The following ELAPOR1 variants were observed in gnomAD, a reference collection of about 807,000 sequenced individuals.
ELAPOR1 encodes endosome-lysosome associated apoptosis and autophagy regulator 1, also known as endosome/lysosome-associated apoptosis and autophagy regulator 1.
ELAPOR1 carries 77 observed loss-of-function variants against 119.7 expected under a neutral mutation model. The ratio of observed to expected loss-of-function variants is 0.64; its 90% confidence interval spans 0.54 to 0.78. ELAPOR1 has a LOEUF of 0.78. Ranked by LOEUF, ELAPOR1 falls within the 30% of genes least tolerant of loss-of-function variation. The probability of loss-of-function intolerance (pLI) is 0.00; values close to 1 mark genes in which losing one functional copy is unlikely to be tolerated. For synonymous variants in ELAPOR1, 481 were observed against 487.2 expected (o/e 0.99, Z 0.17); for missense variants, 1,115 against 1,270.4 (o/e 0.88, Z 1.86).
At chr1:109,165,595 A>C (rs58167786) in intron 3 of ELAPOR1, among the ~76,000 whole-genome samples, 3,449 of 151,858 alleles carry the variant, frequency 0.023, 110 homozygotes, top group African/African-American at 0.078. Flanking sequence ...AAAAAAAAAA[A>C]AAAAAGAAAA....
At chr1:109,121,971 A>G (rs1156801159) in intron 1 of ELAPOR1, among the ~76,000 whole-genome samples, 1 of 151,458 alleles carries the variant, frequency 6.6e-6, no homozygotes, top group Non-Finnish European at 1.5e-5. Context: ...ACAGGGTTAC[A>G]TCATATTGGC....
chr1:109,147,764 T>A (rs1650268718), intron 1 of ELAPOR1, among the ~76,000 whole-genome samples: 1 of 151,592 alleles, frequency 6.6e-6, no homozygotes. Flanking sequence ...ATAAAACTGC[T>A]CTAAAAAAAA....
intron 8 of ELAPOR1, 107 bp from the exon 9 acceptor site, chr1:109,188,070 C>T (rs1351141583): frequency 2.0e-6 from 3 of 1,475,454 alleles, no homozygotes; most frequent in East Asian, 2.4e-5. Context: ...GAGCTCTTAC[C>T]TGGCCCAGAA....
At chr1:109,185,840 G>A (rs1653009342) in intron 8 of ELAPOR1, among the ~76,000 whole-genome samples, 2 of 152,136 alleles carry the variant, frequency 1.3e-5, no homozygotes, top group Non-Finnish European at 2.9e-5. Flanking sequence ...CTTGGGGTGG[G>A]GGCAGCAGAG....
chr1:109,114,219 C>A lies in ELAPOR1; in HGVS notation c.36C>A (p.Ala12=). The part of the protein sequence containing the change: ...AEPGHSHHLS[A]RVRGRTERRI... ...CTGGGCACAGCCACCATCTCTCCGC[C>A]AGAGTCAGGGGAAGAACTGAGAGGC... The change falls in exon 1 of 22, where the codon GCC becomes GCA. Residue 12 remains alanine (A), a synonymous_variant. Transcript: ENST00000369939. 6.2e-7 allele frequency: 1 copy of A among 1,604,976 alleles called. No individual in the cohort carries two copies. Among genetic ancestry groups the A allele is most frequent in the Non-Finnish European group, 8.5e-7 (1 of 1,175,630 alleles).
At chr1:109,120,163 C>T (rs112391674) in intron 1 of ELAPOR1, among the ~76,000 whole-genome samples, 3,468 of 152,074 alleles carry the variant, frequency 0.023, 125 homozygotes, top group African/African-American at 0.074. Context: ...TTTGGGAGGC[C>T]GAGGCAGGCT....
chr1:109,124,820 C>G (rs1013002521), intron 1 of ELAPOR1, among the ~76,000 whole-genome samples: 13 of 152,164 alleles, frequency 8.5e-5, no homozygotes, highest in African/African-American at 2.9e-4. Context: ...TCAAAAGGAC[C>G]CTACTGGAGC....
At position 109,153,104 on chromosome 1, in the gene ELAPOR1, T is replaced by C. The variant is rs189415289; in HGVS notation, c.154-8790T>C. Among the ~76,000 whole-genome samples the C allele has an allele frequency of 6.6e-4, 100 of 152,040 alleles. 1 individual carries two copies. In the East Asian group the frequency reaches 0.014, roughly 21 times the overall value. On this transcript the variant is annotated intron_variant, in intron 1 of 21. Coordinates refer to ENST00000369939, the MANE Select transcript of ELAPOR1 (RefSeq NM_020775.5). ...TGAGTATTGAAGTTGGGCAATGAGA[T>C]GGGGCTCATTGCACTGTTTTGTTTT...
At chr1:109,178,287 A>C (rs1652477107) in intron 7 of ELAPOR1, among the ~76,000 whole-genome samples, 2 of 152,268 alleles carry the variant, frequency 1.3e-5, no homozygotes, top group South Asian at 4.1e-4. Flanking sequence ...TTGGGATTAC[A>C]GGCGTGAGCC....
Position 109,142,923 on chromosome 1 carries a change from A to C in ELAPOR1, c.154-18971A>C, listed in dbSNP as rs147125953. 1.5e-3 allele frequency among the ~76,000 whole-genome samples: 227 copies of C among 152,318 alleles called. 5 individuals carry two copies. The South Asian group carries it at 0.028, about 19-fold the overall frequency. On this transcript the variant is annotated intron_variant, in intron 1 of 21. Transcript: ENST00000369939. Reference sequence around the variant, plus strand: ...CAAATGTCCATCAACTGATGAATGGATAAAATAAAATGTGGTATGTCCATA... The same window carrying C: ...CAAATGTCCATCAACTGATGAATGGCTAAAATAAAATGTGGTATGTCCATA...
At chr1:109,189,341 A>T (rs1429798575) in intron 10 of ELAPOR1, 147 bp downstream of exon 10, 5 of 1,088,428 alleles carry the variant, frequency 4.6e-6, no homozygotes, top group Non-Finnish European at 6.6e-6. Flanking sequence ...CCTCATGGAC[A>T]TATGTTCTGC....
intron 7 of ELAPOR1, 98 bp downstream of exon 7, chr1:109,173,935 G>T: frequency 7.6e-7 from 1 of 1,317,254 alleles, no homozygotes. Flanking sequence ...TGGCCAAGCT[G>T]AGGATGGTAA....
At chr1:109,161,738 T>G (rs1651273568) in intron 1 of ELAPOR1, 156 bp from the exon 2 acceptor site, 1 of 742,730 alleles carries the variant, frequency 1.3e-6, no homozygotes, top group East Asian at 2.7e-5. Context: ...GTAGTTCTTG[T>G]ACTCGGTTCA....
rs1652683729 is a variant in ELAPOR1 at position 109,181,342 on chromosome 1, G to C, written c.953-3703G>C. ...TTTATCTTCTTACAGTTTTGCCCAG[G>C]GCCAATCCTACTTAAGTCACTTTTC... On this transcript the variant is annotated intron_variant, in intron 7 of 21. Coordinates refer to ENST00000369939, the MANE Select transcript of ELAPOR1 (RefSeq NM_020775.5). 2.0e-5 allele frequency among the ~76,000 whole-genome samples: 3 copies of C among 152,124 alleles called. No individual in the cohort carries two copies. In the South Asian group the frequency reaches 6.2e-4, roughly 32 times the overall value.
At chr1:109,172,332 A>C (rs1651974955) in intron 4 of ELAPOR1, among the ~76,000 whole-genome samples, 156 bp from the exon 5 acceptor site, 1 of 152,190 alleles carries the variant, frequency 6.6e-6, no homozygotes, top group African/African-American at 2.4e-5. Context: ...CTCCTGCCCT[A>C]CTTTGAGGCT....
rs144637331 is a variant in ELAPOR1 at position 109,187,524 on chromosome 1, G to C, written c.1042-653G>C. On this transcript the variant is annotated intron_variant, in intron 8 of 21. Coordinates refer to ENST00000369939, the MANE Select transcript of ELAPOR1 (RefSeq NM_020775.5). Reference sequence around the variant, plus strand: ...CCCTCAGTTCAACCTATAAGGGCACGTTTTTGTCTGTGACTCGATCTGAGG... The same window carrying C: ...CCCTCAGTTCAACCTATAAGGGCACCTTTTTGTCTGTGACTCGATCTGAGG... 172 of 1,001,098 alleles carry C rather than the reference G, an allele frequency of 1.7e-4. 1 individual carries two copies. Among genetic ancestry groups the C allele is most frequent in the Non-Finnish European group, 3.6e-6 (3 of 830,050 alleles). 62.0% of individuals were successfully genotyped at this position (1,001,098 alleles called of 1,614,324 possible).
chr1:109,169,968 G>A (rs1251569799), intron 3 of ELAPOR1, among the ~76,000 whole-genome samples: 1 of 152,182 alleles, frequency 6.6e-6, no homozygotes, highest in Non-Finnish European at 1.5e-5. Context: ...ATATGGCAGA[G>A]CCGTACAAAG....
rs60530937 is a variant in ELAPOR1, at chr1:109,182,866, C to CA, written c.953-2159dup. ...TGGGCAACAGAGCAAGACTCCATCT[C>CA]AAAAAAAAAAAAAAAAAAAATCTCA... On this transcript the variant is annotated intron_variant, in intron 7 of 21. Coordinates refer to ENST00000369939, the MANE Select transcript of ELAPOR1 (RefSeq NM_020775.5). Among the ~76,000 whole-genome samples, 694 of 96,534 alleles carry CA rather than the reference C, an allele frequency of 7.2e-3. 6 individuals carry two copies. The highest frequency in any genetic ancestry group is 0.025 in the African/African-American group (668 of 26,234). 63.3% of individuals were successfully genotyped at this position (96,534 alleles called of 152,430 possible). A position where few individuals can be genotyped will look rare whatever the true frequency, so the allele number is the denominator to read the frequency against.
chr1:109,137,820 G>T (rs192365357), intron 1 of ELAPOR1, among the ~76,000 whole-genome samples: 1 of 152,152 alleles, frequency 6.6e-6, no homozygotes, highest in Non-Finnish European at 1.5e-5. Flanking sequence ...GAGCCACCGC[G>T]CCCGGCCTAA....
Sources: allele counts gnomAD v4.1 joint callset (sites outside exome capture counted in the v4.1 genomes callset), GRCh38; gene constraint gnomAD v4.1.1; transcripts MANE v1.5; gene names NCBI Gene and HGNC (gene_info 2026-07-23, HGNC 2026-07-21).